Variants in FSHR observed in about 807,000 individuals in gnomAD.
FSHR encodes follicle stimulating hormone receptor, also known as follicle-stimulating hormone receptor.
Under a neutral mutation model 52.1 loss-of-function variants are expected in FSHR, and 46 were observed. The ratio of observed to expected loss-of-function variants is 0.88; its 90% CI spans 0.70 to 1.13. The LOEUF (loss-of-function observed/expected upper bound fraction) is 1.13. Ranked by LOEUF, FSHR falls within the 50% of genes most tolerant of loss-of-function variation. The pLI is 0.00. For synonymous variants in FSHR, 399 were observed against 309.6 expected, an observed-to-expected ratio of 1.29 and a Z score of -3.03; for missense variants, 964 against 834.6, an observed-to-expected ratio of 1.16 and a Z score of -1.91.
intron 6 of FSHR, among the ~76,000 whole-genome samples, chr2:48,985,048 A>G (rs1401838618): frequency 2.6e-5 from 4 of 152,182 alleles, no homozygotes; most frequent in Non-Finnish European, 1.5e-5. Context: ...AGGGAAACCC[A>G]CATTTATTAC....
At chr2:49,098,752 TTA>T (rs1276620358) in intron 1 of FSHR, among the ~76,000 whole-genome samples, 1 of 141,570 alleles carries the variant, frequency 7.1e-6, no homozygotes, top group African/African-American at 2.5e-5. Flanking sequence ...ATATATATTA[TTA>T]TATAATAATA....
At chr2:49,080,989 T>A (rs576106829) in intron 1 of FSHR, among the ~76,000 whole-genome samples, 4 of 152,310 alleles carry the variant, frequency 2.6e-5, no homozygotes, top group African/African-American at 9.6e-5. Flanking sequence ...TTAAGCTGTT[T>A]ACCTGGTCTC....
intron 2 of FSHR, among the ~76,000 whole-genome samples, chr2:49,042,744 A>T (rs182689864): frequency 6.6e-6 from 1 of 152,202 alleles, no homozygotes; most frequent in East Asian, 1.9e-4. Context: ...TCATTCCTAG[A>T]CTCTAGGGAC....
chr2:49,045,176 T>G (rs1668612715), intron 2 of FSHR, among the ~76,000 whole-genome samples: 1 of 152,222 alleles, frequency 6.6e-6, no homozygotes, highest in African/African-American at 2.4e-5. Context: ...TTCCTGTGTA[T>G]TTTATCAACA....
chr2:49,104,515 A>G (rs1251984736), intron 1 of FSHR, among the ~76,000 whole-genome samples: 1 of 152,164 alleles, frequency 6.6e-6, no homozygotes, highest in Non-Finnish European at 1.5e-5. Flanking sequence ...GCTTAAGAAA[A>G]TGTTCTTGTT....
intron 1 of FSHR, among the ~76,000 whole-genome samples, chr2:49,139,044 A>G (rs2103831020): frequency 6.6e-6 from 1 of 152,336 alleles, no homozygotes; most frequent in East Asian, 1.9e-4. Flanking sequence ...AACTACCCAC[A>G]TGATCTTAGA....
intron 3 of FSHR, among the ~76,000 whole-genome samples, chr2:49,017,864 G>T (rs1186308543): frequency 1.3e-5 from 2 of 152,164 alleles, no homozygotes; most frequent in Non-Finnish European, 2.9e-5. Context: ...TTGTCACCCT[G>T]AGCAGAGCTG....
chr2:49,065,959 T>G (rs1426153474), intron 2 of FSHR, among the ~76,000 whole-genome samples: 4 of 152,042 alleles, frequency 2.6e-5, no homozygotes, highest in African/African-American at 9.7e-5. Context: ...AAAGACTACA[T>G]ATAAGGTAAG....
intron 1 of FSHR, among the ~76,000 whole-genome samples, chr2:49,085,323 TA>T (rs1318690733): frequency 6.6e-6 from 1 of 152,176 alleles, no homozygotes; most frequent in Non-Finnish European, 1.5e-5. Flanking sequence ...CTCAATAAAT[TA>T]GGTATTGATG....
At chr2:49,076,113 A>G (rs1352013086) in intron 1 of FSHR, among the ~76,000 whole-genome samples, 2 of 152,232 alleles carry the variant, frequency 1.3e-5, no homozygotes, top group African/African-American at 4.8e-5. Flanking sequence ...ATGTGATGTT[A>G]GAAGTAAATT....
chr2:49,115,136 G>A, intron 1 of FSHR, among the ~76,000 whole-genome samples: 1 of 149,198 alleles, frequency 6.7e-6, no homozygotes, highest in African/African-American at 2.5e-5. Context: ...AGATGAAGGG[G>A]AGAAAGAAGG....
chr2:49,071,993 G>A (rs1177340268), intron 1 of FSHR, among the ~76,000 whole-genome samples: 1 of 151,988 alleles, frequency 6.6e-6, no homozygotes, highest in Non-Finnish European at 1.5e-5. Flanking sequence ...GAGATTTGCA[G>A]GAAGGAAATA....
At chr2:49,038,458 AAAAAAAC>A in intron 2 of FSHR, among the ~76,000 whole-genome samples, 1 of 151,654 alleles carries the variant, frequency 6.6e-6, no homozygotes, top group South Asian at 2.1e-4. Context: ...CGTCTCTACT[AAAAAAAC>A]AAAAAAATAA....
chr2:49,139,357 A>C (rs1672594243), intron 1 of FSHR, among the ~76,000 whole-genome samples: 1 of 152,160 alleles, frequency 6.6e-6, no homozygotes, highest in African/African-American at 2.4e-5. Context: ...GAAGTGTGGA[A>C]GGTAGAATAC....
At position 49,084,865 on chromosome 2, in the gene FSHR, C is replaced by G. The variant is rs544057523; in HGVS notation, c.153-16575G>C. ...GTGGCAATAATCAATAGCTTACCAA[C>G]CAAAAAGAGTCCAGGACCAGATGGA... On this transcript the variant is annotated intron_variant, in intron 1 of 9. Coordinates refer to ENST00000406846, the MANE Select transcript of FSHR (RefSeq NM_000145.4). Among the ~76,000 whole-genome samples the G allele has an allele frequency of 9.0e-3, 1,366 of 152,082 alleles. 20 individuals carry two copies. The highest frequency in any genetic ancestry group is 0.034 in the Middle Eastern group (10 of 294).
intron 4 of FSHR, among the ~76,000 whole-genome samples, chr2:49,002,049 C>T (rs1666907338): frequency 6.6e-6 from 1 of 151,974 alleles, no homozygotes; most frequent in African/African-American, 2.4e-5. Flanking sequence ...TTTCATAATC[C>T]CATTTTGTAA....
intron 1 of FSHR, among the ~76,000 whole-genome samples, chr2:49,134,464 G>T (rs1188179138): frequency 6.6e-6 from 1 of 152,226 alleles, no homozygotes; most frequent in South Asian, 2.1e-4. Flanking sequence ...TACACTGTTG[G>T]TGGGACTGTA....
chr2:48,985,914 C>T (rs1363560190), intron 6 of FSHR, among the ~76,000 whole-genome samples: 1 of 151,436 alleles, frequency 6.6e-6, no homozygotes, highest in Non-Finnish European at 1.5e-5. Context: ...GGGGTTTCAC[C>T]TTGTTAGCCA....
intron 9 of FSHR, among the ~76,000 whole-genome samples, chr2:48,964,648 T>G (rs888982905): frequency 4.6e-5 from 7 of 152,136 alleles, no homozygotes; most frequent in African/African-American, 1.7e-4. Flanking sequence ...AGTTTCCTAG[T>G]GAGTGCCCCA....
Sources: allele counts gnomAD v4.1 joint callset (sites outside exome capture counted in the v4.1 genomes callset), GRCh38; gene constraint gnomAD v4.1.1; transcripts MANE v1.5; gene names NCBI Gene and HGNC (gene_info 2026-07-23, HGNC 2026-07-21).